Variants in SYCP2 observed in about 807,000 individuals in gnomAD.
The protein encoded by SYCP2 is synaptonemal complex protein 2.
A neutral mutation model predicts 211.3 loss-of-function variants in SYCP2; 55 were observed. That is an observed-to-expected ratio of 0.26 (90% CI 0.21 to 0.33). The LOEUF is 0.33. Among genes scored for constraint, SYCP2 ranks in the 10% least tolerant of loss-of-function variants. SYCP2 has a pLI of 1.00. For synonymous variants in SYCP2, 570 were observed against 555.2 expected, an observed-to-expected ratio of 1.03 and a Z score of -0.37; for missense variants, 1,731 against 1,752.0, an observed-to-expected ratio of 0.99 and a Z score of 0.21.
At chr20:59,932,913 G>A (rs994776746) in intron 1 of SYCP2, among the ~76,000 whole-genome samples, 1 of 152,084 alleles carries the variant, frequency 6.6e-6, no homozygotes. Flanking sequence ...AAGGTTTTGC[G>A]CGCACTCCCT....
chr20:59,909,538 T>TC (rs2060276636), intron 14 of SYCP2, among the ~76,000 whole-genome samples: 1 of 152,344 alleles, frequency 6.6e-6, no homozygotes, highest in East Asian at 1.9e-4. Context: ...CCAGGGGGGA[T>TC]CTTTTACACA....
chr20:59,876,778 T>C (rs2059569025), intron 33 of SYCP2, among the ~76,000 whole-genome samples: 1 of 152,212 alleles, frequency 6.6e-6, no homozygotes, highest in Non-Finnish European at 1.5e-5. Context: ...ACTATACACA[T>C]ACACTATACT....
At chr20:59,900,658 A>G in intron 17 of SYCP2, 86 bp downstream of exon 17, 1 of 973,602 alleles carries the variant, frequency 1.0e-6, no homozygotes, top group African/African-American at 1.6e-5. Context: ...CTATATATTC[A>G]CCCTCCAACA....
chr20:59,871,400 T>C (rs1343071796), intron 35 of SYCP2, among the ~76,000 whole-genome samples: 2 of 151,846 alleles, frequency 1.3e-5, no homozygotes, highest in Non-Finnish European at 2.9e-5. Context: ...AACTACCATA[T>C]AAAGCAAATT....
rs1350666034 is a variant in SYCP2, at chr20:59,869,855, C to T, written c.3684G>A (p.Arg1228=). ...TATGTGGAGATTCAATTTCCATAAACCGTTCTTCTGAACTATAACTGCTTA... is the reference window on the plus strand; with the variant it reads ...TATGTGGAGATTCAATTTCCATAAATCGTTCTTCTGAACTATAACTGCTTA... The part of the protein sequence containing the change: ...SDVSSYSSEE[R]FMEIESPHIN... The change falls in exon 36 of 45, where the codon CGG becomes CGA. Residue 1228 remains arginine (R), a synonymous_variant. Transcript: ENST00000357552. 2 of 1,607,846 alleles carry T rather than the reference C, an allele frequency of 1.2e-6. No individual in the cohort carries two copies. Among genetic ancestry groups the T allele is most frequent in the African/African-American group, 2.7e-5 (2 of 74,658 alleles).
chr20:59,931,783 T>C (rs1321386604), intron 2 of SYCP2, among the ~76,000 whole-genome samples: 1 of 151,968 alleles, frequency 6.6e-6, no homozygotes, highest in African/African-American at 2.4e-5. Flanking sequence ...GCAAACTGAA[T>C]AATCAGGTTA....
chr20:59,921,284 A>C, intron 4 of SYCP2, 26 bp downstream of exon 4: 1 of 1,566,962 alleles, frequency 6.4e-7, no homozygotes, highest in Non-Finnish European at 8.6e-7. Context: ...AATTGTAACA[A>C]TCATTCAGCA....
chr20:59,875,559 A>G (rs73917333), intron 33 of SYCP2, 90 bp from the exon 34 acceptor site: 3 of 970,696 alleles, frequency 3.1e-6, no homozygotes, highest in African/African-American at 1.6e-5. Context: ...TATTTATTAA[A>G]TGTTGTATAT....
intron 19 of SYCP2, 33 bp downstream of exon 19, chr20:59,896,396 T>C (rs1181927928): frequency 2.5e-6 from 3 of 1,214,324 alleles, no homozygotes; most frequent in Non-Finnish European, 3.5e-6. Flanking sequence ...TTTAAAATAA[T>C]TGTTAGAAAT....
rs764706289 is a variant in SYCP2, at chr20:59,886,817, C to A, written c.2382G>T (p.Gly794=). ...KQKKMREKSK[G]KEFTNVAESL... ...ATTCTGCTACATTGGTAAATTCTTT[C>A]CCTTTTGACTTTTCTCTCTGAAAAA... Residue 794 remains glycine, a synonymous_variant, in exon 25 of 45, where the codon GGG becomes GGT. Transcript: ENST00000357552. 6.3e-7 allele frequency: 1 copy of A among 1,577,440 alleles called. No individual in the cohort carries two copies. Among genetic ancestry groups the A allele is most frequent in the Non-Finnish European group, 8.6e-7 (1 of 1,168,688 alleles).
At chr20:59,865,028 T>C (rs941615194) in intron 44 of SYCP2, among the ~76,000 whole-genome samples, 5 of 152,002 alleles carry the variant, frequency 3.3e-5, no homozygotes, top group African/African-American at 9.7e-5. Context: ...ATTCTTCCAC[T>C]AAACTACAGA....
chr20:59,892,112 C>G lies in SYCP2; in HGVS notation c.2242G>C (p.Asp748His). The change falls in exon 24 of 45, where the codon GAT becomes CAT. Residue 748 changes from aspartate to histidine, a missense_variant. Physicochemically the swap from Asp to His is moderately conservative, Grantham distance 81 (BLOSUM62 -1). Transcript: ENST00000357552. ...TTATCGCAAGTAGCAGTATTCACATCTTTTGACAATATGTATTTCTTCCTA... is the reference window on the plus strand; with the variant it reads ...TTATCGCAAGTAGCAGTATTCACATGTTTTGACAATATGTATTTCTTCCTA... ...IYRKKYILSKDVNTATCDKNP... is the reference protein window; with the variant it reads ...IYRKKYILSKHVNTATCDKNP... The G allele has an allele frequency of 6.2e-7, 1 of 1,612,170 alleles. No homozygotes were observed. The highest frequency in any genetic ancestry group is 8.5e-7 in the Non-Finnish European group (1 of 1,178,920).
At chr20:59,928,046 A>G (rs1328491244) in intron 2 of SYCP2, among the ~76,000 whole-genome samples, 1 of 152,132 alleles carries the variant, frequency 6.6e-6, no homozygotes, top group Non-Finnish European at 1.5e-5. Flanking sequence ...TCAATTCTGG[A>G]GCTCAGTATT....
intron 20 of SYCP2, among the ~76,000 whole-genome samples, chr20:59,893,936 T>C (rs2059958200): frequency 1.3e-5 from 2 of 152,052 alleles, no homozygotes; most frequent in Admixed American, 1.3e-4. Flanking sequence ...GCTTTATCTA[T>C]TTTGATATGG....
chr20:59,888,520 C>A (rs1477920978), intron 24 of SYCP2, among the ~76,000 whole-genome samples: 1 of 152,000 alleles, frequency 6.6e-6, no homozygotes, highest in African/African-American at 2.4e-5. Flanking sequence ...AGAGCATCTA[C>A]AAAAACAGTT....
At chr20:59,889,378 G>C (rs927817805) in intron 24 of SYCP2, among the ~76,000 whole-genome samples, 4 of 151,440 alleles carry the variant, frequency 2.6e-5, no homozygotes, top group African/African-American at 9.8e-5. Context: ...GACTAAAATT[G>C]CTCCAAAAAT....
intron 15 of SYCP2, among the ~76,000 whole-genome samples, chr20:59,906,499 GA>G (rs1161918165): frequency 3.9e-5 from 6 of 151,976 alleles, no homozygotes; most frequent in Non-Finnish European, 8.8e-5. Context: ...ATATCTATAT[GA>G]AAAAATGAAC....
rs773671053 is a variant in SYCP2, at chr20:59,866,325, G to T, written c.4288C>A (p.Gln1430Lys). ...TCCTTTTCCAAATCTTTTAAAGACT[G>T]TGAATCTTTTTCAAAATTCTCCAGC... ...EELENFEKDS[Q>K]SLKDLEKEFV... Residue 1430 changes from glutamine to lysine, a missense_variant, in exon 41 of 45, where the codon CAG (glutamine) becomes AAG (lysine). Transcript: ENST00000357552. The T allele has an allele frequency of 6.3e-7, 1 of 1,595,660 alleles. No homozygotes were observed. Among genetic ancestry groups the T allele is most frequent in the Non-Finnish European group, 8.5e-7 (1 of 1,172,890 alleles).
At chr20:59,910,532 C>T (rs1409303833) in intron 14 of SYCP2, among the ~76,000 whole-genome samples, 5 of 151,688 alleles carry the variant, frequency 3.3e-5, no homozygotes. Context: ...AGGCGCCTGC[C>T]ACCACGCCCA....
Sources: allele counts gnomAD v4.1 joint callset (sites outside exome capture counted in the v4.1 genomes callset), GRCh38; gene constraint gnomAD v4.1.1; transcripts MANE v1.5; gene names NCBI Gene and HGNC (gene_info 2026-07-23, HGNC 2026-07-21).